APBB2: variants seen among roughly 807,000 people sequenced by gnomAD.
APBB2 encodes amyloid beta precursor protein binding family B member 2, also known as Fe65-like 1.
Under a neutral mutation model 82.5 loss-of-function variants are expected in APBB2, and 38 were observed. The observed-to-expected ratio is 0.46, with a 90% CI of 0.36 to 0.60. The LOEUF is 0.60. Among genes scored for constraint, APBB2 ranks in the 20% least tolerant of loss-of-function variants. The pLI is 0.00. For synonymous variants in APBB2, 341 were observed against 368.2 expected, an observed-to-expected ratio of 0.93 and a Z score of 0.85; for missense variants, 772 against 972.3, an observed-to-expected ratio of 0.79 and a Z score of 2.74.
chr4:40,883,074 AC>A (rs769529972), intron 12 of APBB2, among the ~76,000 whole-genome samples: 30 of 152,212 alleles, frequency 2.0e-4, no homozygotes, highest in Non-Finnish European at 3.5e-4. Context: ...AGGAGCCTGA[AC>A]CCCTGAGTGG....
intron 5 of APBB2, among the ~76,000 whole-genome samples, chr4:41,019,526 A>T (rs1044019657): frequency 6.6e-6 from 1 of 152,174 alleles, no homozygotes; most frequent in African/African-American, 2.4e-5. Context: ...GTCTAGGGGT[A>T]TGGTGTAGAA....
At chr4:40,922,722 C>T (rs1200796822) in intron 10 of APBB2, among the ~76,000 whole-genome samples, 1 of 151,920 alleles carries the variant, frequency 6.6e-6, no homozygotes, top group Non-Finnish European at 1.5e-5. Flanking sequence ...GTCGTCTTCC[C>T]ACGTCAGCCT....
chr4:41,034,605 G>GT (rs1167079204), intron 4 of APBB2, among the ~76,000 whole-genome samples: 1 of 152,246 alleles, frequency 6.6e-6, no homozygotes, highest in Non-Finnish European at 1.5e-5. Flanking sequence ...GATTACAGGT[G>GT]TGAGTCACGA....
At position 41,013,819 on chromosome 4, in the gene APBB2, A is replaced by G; in HGVS notation, c.599T>C (p.Ile200Thr). 6.2e-7 allele frequency: 1 copy of G among 1,614,084 alleles called. No homozygotes were observed. Among genetic ancestry groups the G allele is most frequent in the South Asian group, 1.1e-5 (1 of 91,066 alleles). The change falls in exon 6 of 18, where the codon ATC (isoleucine) becomes ACC (threonine). Residue 200 changes from isoleucine to threonine, a missense_variant. Coordinates refer to ENST00000508593, the MANE Select transcript of APBB2 (RefSeq NM_004307.2). ...CAGCAGCAAATCGCCATTCCCAATG[A>G]TGGTGGAGGCCTGGCCCTGGACTGG... is the stretch of plus-strand genomic sequence containing the variant. ...SQPVQGQAST[I>T]IGNGDLLLQK...
At chr4:40,911,089 G>A (rs1470329850) in intron 10 of APBB2, among the ~76,000 whole-genome samples, 1 of 152,206 alleles carries the variant, frequency 6.6e-6, no homozygotes, top group Non-Finnish European at 1.5e-5. Context: ...ACATGGAAAC[G>A]ACAGACATAG....
chr4:41,072,955 T>C (rs554958194), intron 3 of APBB2, among the ~76,000 whole-genome samples: 53 of 152,304 alleles, frequency 3.5e-4, no homozygotes, highest in Middle Eastern at 3.4e-3. Context: ...AAAGGTATGA[T>C]TGAGAACAAA....
chr4:41,200,375 ATTT>A (rs148725433), intron 1 of APBB2, among the ~76,000 whole-genome samples: 1 of 150,930 alleles, frequency 6.6e-6, no homozygotes, highest in African/African-American at 2.4e-5. Flanking sequence ...TGAATGACCT[ATTT>A]TTTTTTTAAA....
At chr4:40,941,842 G>T (rs1013745986) in intron 7 of APBB2, among the ~76,000 whole-genome samples, 1 of 151,136 alleles carries the variant, frequency 6.6e-6, no homozygotes, top group Non-Finnish European at 1.5e-5. Context: ...TTGCTATGTT[G>T]TCCAGGCTGC....
At chr4:40,867,652 T>C (rs1443615381) in intron 12 of APBB2, among the ~76,000 whole-genome samples, 1 of 152,216 alleles carries the variant, frequency 6.6e-6, no homozygotes, top group African/African-American at 2.4e-5. Flanking sequence ...TCAATTAAAG[T>C]TCCACACAAA....
At chr4:41,208,632 C>T (rs115595198) in intron 1 of APBB2, among the ~76,000 whole-genome samples, 116 of 152,310 alleles carry the variant, frequency 7.6e-4, no homozygotes, top group African/African-American at 2.7e-3. Context: ...CTGAAGCATA[C>T]TTGCCAATGA....
At chr4:40,937,314 T>C (rs1785618203) in intron 7 of APBB2, among the ~76,000 whole-genome samples, 1 of 152,088 alleles carries the variant, frequency 6.6e-6, no homozygotes, top group Non-Finnish European at 1.5e-5. Context: ...AAAAGAAGAG[T>C]ATTTTCTAAA....
At chr4:41,087,275 A>C (rs957514753) in intron 3 of APBB2, among the ~76,000 whole-genome samples, 2 of 152,204 alleles carry the variant, frequency 1.3e-5, no homozygotes, top group Non-Finnish European at 2.9e-5. Context: ...AACCCCAATG[A>C]TGTTTTCTGT....
intron 6 of APBB2, among the ~76,000 whole-genome samples, chr4:40,947,741 T>C (rs1055670252): frequency 2.6e-5 from 4 of 152,232 alleles, no homozygotes; most frequent in African/African-American, 9.6e-5. Context: ...TCATATTATC[T>C]CACATTGGTT....
At chr4:40,905,544 C>G (rs1776477326) in intron 10 of APBB2, among the ~76,000 whole-genome samples, 1 of 152,340 alleles carries the variant, frequency 6.6e-6, no homozygotes, top group African/African-American at 2.4e-5. Context: ...TCCCCTGGGC[C>G]ATTCCCAAGT....
chr4:40,920,769 G>C (rs1781056235), intron 10 of APBB2, among the ~76,000 whole-genome samples: 2 of 152,210 alleles, frequency 1.3e-5, no homozygotes, highest in African/African-American at 4.8e-5. Flanking sequence ...TAGTCAGGAG[G>C]CTGAGGCAGG....
chr4:40,960,039 G>C (rs1317016432), intron 6 of APBB2, among the ~76,000 whole-genome samples: 1 of 152,154 alleles, frequency 6.6e-6, no homozygotes, highest in East Asian at 1.9e-4. Flanking sequence ...GTATTTTAAA[G>C]GTTAAGTGCC....
chr4:40,925,245 GAATGC>G (rs1422972541), intron 10 of APBB2, among the ~76,000 whole-genome samples: 16 of 152,258 alleles, frequency 1.1e-4, no homozygotes, highest in African/African-American at 3.4e-4. Flanking sequence ...GTATAATGGC[GAATGC>G]ATAAAGAATG....
rs1749867053 is a variant in APBB2, at chr4:40,826,206, AT to A, written c.1733-237del. 3 of 515,528 alleles carry A rather than the reference AT, an allele frequency of 5.8e-6. No individual in the cohort carries two copies. The East Asian group carries it at 1.0e-4, about 18-fold the overall frequency. The allele number at this position is 515,528 out of a possible 1,614,324, so 31.9% of individuals were successfully genotyped here. On this transcript the variant is annotated intron_variant, in intron 14 of 17. Transcript: ENST00000508593. This position sits in a 1 kb window ranked among gnomAD's most constrained non-coding sequence, Gnocchi z 4.5. ...AATGCATGTGAAAGCAGGAAGTGGC[AT>A]CTATGTGTTAAAGCTGCTACTGTCT...
At chr4:41,129,263 G>A (rs1755288569) in intron 2 of APBB2, among the ~76,000 whole-genome samples, 1 of 152,046 alleles carries the variant, frequency 6.6e-6, no homozygotes, top group Non-Finnish European at 1.5e-5. Context: ...TCCTGTGCAG[G>A]GTATTCAAGT....
Sources: allele counts gnomAD v4.1 joint callset (sites outside exome capture counted in the v4.1 genomes callset), GRCh38; gene constraint gnomAD v4.1.1; non-coding constraint Gnocchi (gnomAD v3.1); transcripts MANE v1.5; gene names NCBI Gene and HGNC (gene_info 2026-07-23, HGNC 2026-07-21).